The following NID2 variants were observed in gnomAD, a reference collection of about 807,000 sequenced individuals.
NID2 encodes nidogen 2.
A neutral mutation model predicts 145.4 loss-of-function variants in NID2; 83 were observed. The observed-to-expected ratio is 0.57, with a 90% CI of 0.48 to 0.69. The LOEUF is 0.69. Among genes scored for constraint, NID2 ranks in the 30% least tolerant of loss-of-function variants. The pLI is 0.00. For synonymous variants in NID2, 739 were observed against 701.3 expected (o/e 1.05, Z -0.85); for missense variants, 1,807 against 1,765.7 (o/e 1.02, Z -0.42).
Position 52,011,685 on chromosome 14 carries a change from T to C in NID2, c.3421-2A>G. 1 of 1,614,104 alleles carries C rather than the reference T, an allele frequency of 6.2e-7. No homozygotes were observed. Among genetic ancestry groups the C allele is most frequent in the South Asian group, 1.1e-5 (1 of 91,092 alleles). ...ATCAATTCCCACGATTATGGAGCCC[T>C]TTGTGCATCAAATCATAGAATTAGA... On this transcript the variant is annotated splice_acceptor_variant, in intron 16 of 21. Coordinates refer to ENST00000216286, the MANE Select transcript of NID2 (RefSeq NM_007361.4). LOFTEE classifies it high-confidence loss of function.
chr14:52,006,535 ACCT>A lies in NID2; in HGVS notation c.4003_4004+1del. The A allele has an allele frequency of 6.2e-7, 1 of 1,613,332 alleles. No homozygotes were observed. The highest frequency in any genetic ancestry group is 8.5e-7 in the Non-Finnish European group (1 of 1,179,494). On this transcript the variant is annotated splice_donor_variant and coding_sequence_variant, in exon 20 of 22. Transcript: ENST00000216286. LOFTEE classifies it high-confidence loss of function. ...GGCTTGTCCAGAATTTGTGGGGCTC[ACCT>A]CCTCCAGTCTGTGTGGTAGAAGTGA...
chr14:52,067,801 C>T, intron 2 of NID2, 57 bp downstream of exon 2: 1 of 1,592,944 alleles, frequency 6.3e-7, no homozygotes. Flanking sequence ...GTCGCTGCCC[C>T]AGAATTTAAG....
intron 18 of NID2, chr14:52,008,200 C>T (rs942767088): frequency 2.5e-6 from 1 of 396,452 alleles, no homozygotes; most frequent in East Asian, 4.4e-5. Flanking sequence ...GCCTTAGGGG[C>T]TCTCTCTTGC....
rs368813746 is a variant in NID2, at chr14:52,007,881, T to C, written c.3809A>G (p.Asn1270Ser). ...GCCATTGGGCAATCCAATGTCTGTATTGATCAGAATTCTTCTGTTTTCTCC... is the reference window on the plus strand; with the variant it reads ...GCCATTGGGCAATCCAATGTCTGTACTGATCAGAATTCTTCTGTTTTCTCC... ...LDGENRRILI[N>S]TDIGLPNGLT... Residue 1270 changes from asparagine to serine, a missense_variant, in exon 19 of 22, where the codon AAT (asparagine) becomes AGT (serine). Coordinates refer to ENST00000216286, the MANE Select transcript of NID2 (RefSeq NM_007361.4). 106 of 1,613,774 alleles carry C rather than the reference T, an allele frequency of 6.6e-5. No homozygotes were observed. The highest frequency in any genetic ancestry group is 8.1e-5 in the Non-Finnish European group (96 of 1,179,790).
At chr14:52,023,288 G>A (rs1185470039) in intron 12 of NID2, among the ~76,000 whole-genome samples, 1 of 151,834 alleles carries the variant, frequency 6.6e-6, no homozygotes, top group African/African-American at 2.4e-5. Context: ...ACAAGCCTGG[G>A]CAACATGATG....
intron 9 of NID2, among the ~76,000 whole-genome samples, chr14:52,036,872 A>AG (rs71121678): frequency 0.81 from 122,861 of 151,966 alleles, 49,836 homozygotes; most frequent in South Asian, 0.89. Context: ...GAGTTGTAAG[A>AG]TACTTCGTAT....
intron 17 of NID2, among the ~76,000 whole-genome samples, chr14:52,011,252 C>CCAG (rs1891007913): frequency 6.6e-6 from 1 of 152,154 alleles, no homozygotes; most frequent in Non-Finnish European, 1.5e-5. Context: ...AGCAGACCTA[C>CCAG]CAGTTTGATG....
chr14:52,057,703 C>CAAAAAA (rs5808649), intron 3 of NID2, among the ~76,000 whole-genome samples: 5 of 89,620 alleles, frequency 5.6e-5, no homozygotes, highest in South Asian at 4.2e-4. Flanking sequence ...ACCTCCGTCT[C>CAAAAAA]AAAAAAAAAA....
chr14:52,008,181 C>T (rs935338494), intron 18 of NID2: 1 of 448,872 alleles, frequency 2.2e-6, no homozygotes, highest in Non-Finnish European at 3.9e-6. Flanking sequence ...TCTCAAAAAA[C>T]TGGTTTCTGC....
At chr14:52,012,997 T>C (rs889444857) in intron 16 of NID2, among the ~76,000 whole-genome samples, 32 of 152,294 alleles carry the variant, frequency 2.1e-4, no homozygotes, top group African/African-American at 7.2e-4. Flanking sequence ...ACAGGCAGCT[T>C]ATATGGGGGG....
intron 5 of NID2, among the ~76,000 whole-genome samples, chr14:52,049,677 C>T (rs2645731): frequency 0.56 from 84,891 of 151,558 alleles, 24,113 homozygotes; most frequent in South Asian, 0.62. Context: ...AACTTTATAA[C>T]AAACAGTGGA....
chr14:52,054,196 C>T lies in NID2; in HGVS notation c.893G>A (p.Arg298His), dbSNP rs771694529. The T allele has an allele frequency of 4.3e-5, 70 of 1,614,002 alleles. No individual in the cohort carries two copies. The highest frequency in any genetic ancestry group is 8.8e-5 in the South Asian group (8 of 91,084). ...CAGGGCTGTAGCATGGCTGAAGGAA[C>T]GTCCCAGGGGAACAGAAGAGTGGGC... ...SAAHSSVPLG[R>H]SFSHATALES... Residue 298 changes from arginine to histidine, a missense_variant, in exon 4 of 22, where the codon CGT becomes CAT. Coordinates refer to ENST00000216286, the MANE Select transcript of NID2 (RefSeq NM_007361.4).
chr14:52,059,843 G>T (rs1007413729), intron 3 of NID2, among the ~76,000 whole-genome samples: 1 of 152,176 alleles, frequency 6.6e-6, no homozygotes, highest in Admixed American at 6.5e-5. Context: ...GGTTCCAAGA[G>T]CAATGTTTTT....
intron 2 of NID2, among the ~76,000 whole-genome samples, chr14:52,064,896 T>C (rs1893135185): frequency 6.6e-6 from 1 of 152,170 alleles, no homozygotes; most frequent in Non-Finnish European, 1.5e-5. Flanking sequence ...CAGCTGTCTC[T>C]AACCCCATCC....
At position 52,038,885 on chromosome 14, in the gene NID2, G is replaced by A; in HGVS notation, c.2119C>T (p.Gln707Ter). 6.2e-7 allele frequency: 1 copy of A among 1,614,154 alleles called. No individual in the cohort carries two copies. The highest frequency in any genetic ancestry group is 1.1e-5 in the South Asian group (1 of 91,074). ...SYRIHQNITY[Q>*]VCRHAPRHPS... ...TGTCTGGGGGCGTGCCTGCACACCT[G>A]GTAAGTGATGTTCTGGTGGATGCGG... is the stretch of plus-strand genomic sequence containing the variant. Residue 707 changes from glutamine to a stop codon, truncating the protein, a stop_gained, in exon 9 of 22, where the codon CAG (glutamine) becomes TAG (stop). Coordinates refer to ENST00000216286, the MANE Select transcript of NID2 (RefSeq NM_007361.4). LOFTEE classifies it high-confidence loss of function.
At chr14:52,014,564 C>T in intron 15 of NID2, 108 bp from the exon 16 acceptor site, 1 of 1,158,984 alleles carries the variant, frequency 8.6e-7, no homozygotes, top group Non-Finnish European at 1.2e-6. Flanking sequence ...ATCAAAAGTT[C>T]TTCGCCCTAC....
At chr14:52,019,343 T>C in intron 13 of NID2, 49 bp from the exon 14 acceptor site, 2 of 1,449,300 alleles carry the variant, frequency 1.4e-6, no homozygotes, top group Non-Finnish European at 1.9e-6. Flanking sequence ...TAGAAGGCAT[T>C]GCAACCCATC....
rs777481719 is a variant in NID2 at position 52,060,332 on chromosome 14, C to G, written c.559G>C (p.Ala187Pro). Residue 187 changes from alanine to proline, a missense_variant, in exon 3 of 22, where the codon GCA becomes CCA. Physicochemically the swap from Ala to Pro is conservative, Grantham distance 27. Transcript: ENST00000216286. ...GCGTAGCTATCAGACCCATCAGATG[C>G]CAAAACTGCCTGGAAAGTGTTCAGC... Reference protein sequence around the residue: ...GELNTFQAVLASDGSDSYALF... With the variant: ...GELNTFQAVLPSDGSDSYALF... 1 of 1,547,734 alleles carries G rather than the reference C, an allele frequency of 6.5e-7. No individual in the cohort carries two copies. The highest frequency in any genetic ancestry group is 1.2e-5 in the South Asian group (1 of 81,464).
At chr14:52,043,053 T>A in intron 5 of NID2, 122 bp from the exon 6 acceptor site, 1 of 904,156 alleles carries the variant, frequency 1.1e-6, no homozygotes, top group Non-Finnish European at 1.7e-6. Flanking sequence ...TTTTGATGTT[T>A]AAGAGACCGG....
Sources: gnomAD v4.1 joint callset for allele counts (sites outside exome capture counted in the v4.1 genomes callset) on GRCh38, gnomAD v4.1.1 for gene constraint, MANE v1.5 for transcripts, NCBI Gene and HGNC (gene_info 2026-07-23, HGNC 2026-07-21) for gene names.